The following SGCZ variants were observed in gnomAD, a reference collection of about 807,000 sequenced individuals.
SGCZ encodes the protein zeta-sarcoglycan.
In SGCZ, 40 loss-of-function variants were observed where a neutral mutation model predicts 41.3. The ratio of observed to expected loss-of-function variants is 0.97; its 90% CI spans 0.75 to 1.26. The LOEUF is 1.26. SGCZ is among the 50% of genes most tolerant of loss of function. SGCZ has a pLI of 0.00. For missense variants in SGCZ, 552 were observed against 369.8 expected, an observed-to-expected ratio of 1.49 and a Z score of -4.04; for synonymous variants, 206 against 137.5, an observed-to-expected ratio of 1.50 and a Z score of -3.49.
chr8:15,005,956 G>A (rs1249677207), intron 1 of SGCZ, among the ~76,000 whole-genome samples: 2 of 152,024 alleles, frequency 1.3e-5, no homozygotes, highest in African/African-American at 4.8e-5. Flanking sequence ...CACCAAACTT[G>A]AACTAACAGA....
intron 1 of SGCZ, among the ~76,000 whole-genome samples, chr8:15,066,778 C>T (rs1166345832): frequency 2.0e-5 from 3 of 152,152 alleles, no homozygotes; most frequent in Non-Finnish European, 4.4e-5. Context: ...GCCACCTAGT[C>T]TCTTACTAAG....
chr8:14,153,506 T>A (rs144175016), intron 5 of SGCZ, among the ~76,000 whole-genome samples: 3 of 152,096 alleles, frequency 2.0e-5, no homozygotes, highest in African/African-American at 7.2e-5. Context: ...AAAGTGACCA[T>A]AGGTTTCATA....
rs532301554 is a variant in SGCZ, at chr8:14,170,252, C to T, written c.425-5550G>A. Reference sequence around the variant, plus strand: ...AAAGAAAAAATATGCTCTAGCATTTCCTGAAGTAATGCTGTGAGGAAAGGT... The same window carrying T: ...AAAGAAAAAATATGCTCTAGCATTTTCTGAAGTAATGCTGTGAGGAAAGGT... On this transcript the variant is annotated intron_variant, in intron 4 of 7. Coordinates refer to ENST00000382080, the MANE Select transcript of SGCZ (RefSeq NM_139167.4). Among the ~76,000 whole-genome samples, 120 of 152,128 alleles carry T rather than the reference C, an allele frequency of 7.9e-4. 2 individuals carry two copies. The Middle Eastern group carries it at 0.02, about 26-fold the overall frequency.
At chr8:14,482,472 A>C (rs1330586768) in intron 2 of SGCZ, among the ~76,000 whole-genome samples, 1 of 152,172 alleles carries the variant, frequency 6.6e-6, no homozygotes, top group Non-Finnish European at 1.5e-5. Context: ...TACCGCTCTC[A>C]GAAACAAAAT....
chr8:15,153,273 T>C (rs569321864), intron 1 of SGCZ, among the ~76,000 whole-genome samples: 1 of 152,312 alleles, frequency 6.6e-6, no homozygotes, highest in East Asian at 1.9e-4. Flanking sequence ...ACTTTTGAGC[T>C]GCTGCAACTA....
chr8:15,136,433 C>T lies in SGCZ; in HGVS notation c.39+101152G>A, dbSNP rs528535035. ...CTTACAGATGACTTATTTGAGTTGACGAAGTAGGAGAGACTGTGGGGAGGT... is the reference window on the plus strand; with the variant it reads ...CTTACAGATGACTTATTTGAGTTGATGAAGTAGGAGAGACTGTGGGGAGGT... On this transcript the variant is annotated intron_variant, in intron 1 of 7. Coordinates refer to ENST00000382080, the MANE Select transcript of SGCZ (RefSeq NM_139167.4). 7.9e-4 allele frequency among the ~76,000 whole-genome samples: 120 copies of T among 151,274 alleles called. 2 individuals are homozygous for T. The highest frequency in any genetic ancestry group is 1.4e-3 in the Non-Finnish European group (96 of 67,950).
At chr8:15,043,725 G>A (rs1804196682) in intron 1 of SGCZ, among the ~76,000 whole-genome samples, 1 of 151,864 alleles carries the variant, frequency 6.6e-6, no homozygotes, top group African/African-American at 2.4e-5. Flanking sequence ...GAATTCTTTA[G>A]AATAATCACA....
chr8:14,256,924 A>G (rs545324084), intron 3 of SGCZ, among the ~76,000 whole-genome samples: 2 of 152,362 alleles, frequency 1.3e-5, no homozygotes, highest in African/African-American at 2.4e-5. Flanking sequence ...ACACTGAGTT[A>G]GACGTATATA....
rs111317455 is a variant in SGCZ at position 15,222,202 on chromosome 8, G to C, written c.39+15383C>G. Among the ~76,000 whole-genome samples, 412 of 152,196 alleles carry C rather than the reference G, an allele frequency of 2.7e-3. 3 individuals are homozygous for C. Among genetic ancestry groups the C allele is most frequent in the African/African-American group, 8.9e-3 (371 of 41,516 alleles). On this transcript the variant is annotated intron_variant, in intron 1 of 7. Coordinates refer to ENST00000382080, the MANE Select transcript of SGCZ (RefSeq NM_139167.4). Reference sequence around the variant, plus strand: ...AAAGGGGGCTAAATAAAAAGTATTTGCCTTAAAATATAGGATATTGGATCC... The same window carrying C: ...AAAGGGGGCTAAATAAAAAGTATTTCCCTTAAAATATAGGATATTGGATCC...
chr8:14,149,242 T>G (rs868029042), intron 5 of SGCZ, among the ~76,000 whole-genome samples: 17 of 152,198 alleles, frequency 1.1e-4, no homozygotes, highest in Middle Eastern at 3.4e-3. Flanking sequence ...CAAGTCAAAT[T>G]ATCCTTGTTT....
At chr8:14,463,642 G>A (rs550876671) in intron 2 of SGCZ, among the ~76,000 whole-genome samples, 121 of 151,646 alleles carry the variant, frequency 8.0e-4, no homozygotes, top group African/African-American at 2.6e-3. Context: ...CAGACAAACT[G>A]TATTTTGTGA....
At chr8:14,561,535 A>G (rs1005059691) in intron 1 of SGCZ, among the ~76,000 whole-genome samples, 1 of 152,126 alleles carries the variant, frequency 6.6e-6, no homozygotes, top group Admixed American at 6.6e-5. Flanking sequence ...GGCTACTTAC[A>G]GTAACTAGGA....
chr8:14,265,162 T>C (rs1314226231), intron 3 of SGCZ, among the ~76,000 whole-genome samples: 1 of 152,198 alleles, frequency 6.6e-6, no homozygotes, highest in Non-Finnish European at 1.5e-5. Flanking sequence ...TGTGATCTCT[T>C]AGAGATTTCA....
At chr8:14,683,456 T>C (rs1808510833) in intron 1 of SGCZ, among the ~76,000 whole-genome samples, 1 of 152,134 alleles carries the variant, frequency 6.6e-6, no homozygotes, top group African/African-American at 2.4e-5. Flanking sequence ...GGCAGATATT[T>C]ACCCTAAGAA....
intron 2 of SGCZ, among the ~76,000 whole-genome samples, chr8:14,383,455 T>A (rs904636481): frequency 2.0e-5 from 3 of 152,228 alleles, no homozygotes; most frequent in African/African-American, 4.8e-5. Context: ...TGTTCCAGGC[T>A]AATTAGTTTC....
At chr8:14,528,237 T>C (rs893547284) in intron 2 of SGCZ, among the ~76,000 whole-genome samples, 1 of 152,072 alleles carries the variant, frequency 6.6e-6, no homozygotes, top group Admixed American at 6.6e-5. Context: ...CTTCTCAAGT[T>C]TGGGAAAGAA....
At chr8:14,432,035 T>C (rs982825735) in intron 2 of SGCZ, among the ~76,000 whole-genome samples, 1 of 152,118 alleles carries the variant, frequency 6.6e-6, no homozygotes, top group East Asian at 1.9e-4. Flanking sequence ...AAATAATAGA[T>C]GCTGGTATGG....
chr8:14,934,009 T>C (rs1180258078), intron 1 of SGCZ, among the ~76,000 whole-genome samples: 2 of 152,100 alleles, frequency 1.3e-5, no homozygotes, highest in East Asian at 3.9e-4. Context: ...CTCTTATCGA[T>C]GTGTTTCTCA....
chr8:14,608,426 T>C (rs1249564823), intron 1 of SGCZ, among the ~76,000 whole-genome samples: 2 of 151,310 alleles, frequency 1.3e-5, no homozygotes, highest in African/African-American at 2.4e-5. Flanking sequence ...CAGGATATTT[T>C]ACTCATGGCA....
Sources: allele counts gnomAD v4.1 joint callset (sites outside exome capture counted in the v4.1 genomes callset), GRCh38; gene constraint gnomAD v4.1.1; transcripts MANE v1.5; gene names NCBI Gene and HGNC (gene_info 2026-07-23, HGNC 2026-07-21).